Variants in DNM1L observed in about 807,000 individuals in gnomAD.
DNM1L encodes the protein dynamin 1L, also known as dynamin-1-like protein.
In DNM1L, 33 loss-of-function variants were observed where a neutral mutation model predicts 92.8. The observed-to-expected ratio is 0.36, with a 90% CI of 0.27 to 0.48. DNM1L has a LOEUF of 0.48. Ranked by LOEUF, DNM1L falls within the 20% of genes least tolerant of loss-of-function variation. DNM1L has a pLI of 0.99. For missense variants in DNM1L, 485 were observed against 888.8 expected (o/e 0.55, Z 5.78); for synonymous variants, 284 against 305.0 (o/e 0.93, Z 0.72).
At chr12:32,705,190 A>T (rs944581895) in intron 2 of DNM1L, among the ~76,000 whole-genome samples, 3 of 151,700 alleles carry the variant, frequency 2.0e-5, no homozygotes, top group African/African-American at 7.3e-5. Flanking sequence ...TTTAGTAGAG[A>T]CGGGGTTTTG....
At chr12:32,706,401 C>T (rs2137330861) in intron 2 of DNM1L, among the ~76,000 whole-genome samples, 1 of 152,292 alleles carries the variant, frequency 6.6e-6, no homozygotes, top group South Asian at 2.1e-4. Flanking sequence ...TTTTAACCTT[C>T]TCTAAATTTG....
intron 18 of DNM1L, among the ~76,000 whole-genome samples, chr12:32,741,284 C>T (rs1955268242): frequency 6.6e-6 from 1 of 152,294 alleles, no homozygotes; most frequent in African/African-American, 2.4e-5. Context: ...TTGCCCCCAT[C>T]CTCTGCAGAA....
chr12:32,707,446 G>T, intron 3 of DNM1L, 33 bp downstream of exon 3: 1 of 1,486,828 alleles, frequency 6.7e-7, no homozygotes, highest in African/African-American at 1.4e-5. Flanking sequence ...AAGAAATAAT[G>T]TTGAAAAAAA....
At chr12:32,715,800 A>G (rs919303310) in intron 6 of DNM1L, among the ~76,000 whole-genome samples, 2 of 152,218 alleles carry the variant, frequency 1.3e-5, no homozygotes, top group African/African-American at 4.8e-5. Context: ...GAGCAGTTGG[A>G]ACTCTCACAC....
At chr12:32,699,930 T>C (rs973102702) in intron 1 of DNM1L, among the ~76,000 whole-genome samples, 1 of 152,110 alleles carries the variant, frequency 6.6e-6, no homozygotes, top group Admixed American at 6.6e-5. Flanking sequence ...TATGAATGCT[T>C]AAAATCTGTA....
intron 13 of DNM1L, among the ~76,000 whole-genome samples, chr12:32,736,624 G>A (rs951191861): frequency 6.6e-6 from 1 of 152,190 alleles, no homozygotes; most frequent in Non-Finnish European, 1.5e-5. Flanking sequence ...ACTTCTTCAA[G>A]ATACGGTTTT....
chr12:32,724,591 AAAATATATATAT>A (rs1281529116), intron 9 of DNM1L, among the ~76,000 whole-genome samples: 131 of 68,886 alleles, frequency 1.9e-3, no homozygotes, highest in East Asian at 3.7e-3. Flanking sequence ...AAAAAAAAAA[AAAATATATATAT>A]ATATATATAT....
chr12:32,735,080 T>C (rs1286248577), intron 13 of DNM1L, among the ~76,000 whole-genome samples: 10 of 152,238 alleles, frequency 6.6e-5, no homozygotes, highest in African/African-American at 2.2e-4. Context: ...TTTTTTTACA[T>C]TGAAACTAAC....
At position 32,743,803 on chromosome 12, in the gene DNM1L, ACATTT is replaced by A. The variant is rs1353384016; in HGVS notation, c.*397_*401del. 2 of 234,480 alleles carry A rather than the reference ACATTT, an allele frequency of 8.5e-6. No individual in the cohort carries two copies. Among genetic ancestry groups the A allele is most frequent in the African/African-American group, 4.5e-5 (2 of 44,198 alleles). 14.5% of individuals were successfully genotyped at this position (234,480 alleles called of 1,614,324 possible). A position where few individuals can be genotyped will look rare whatever the true frequency, so the allele number is the denominator to read the frequency against. On this transcript the variant is annotated 3_prime_UTR_variant, in exon 20 of 20. Coordinates refer to ENST00000549701, the MANE Select transcript of DNM1L (RefSeq NM_012062.5). Reference sequence around the variant, plus strand: ...CCTCCAAGAAGAAAGCACCAAGACAACATTTCATATGACTATAATGCATGTACTAT... The same window carrying A: ...CCTCCAAGAAGAAAGCACCAAGACAACATATGACTATAATGCATGTACTAT...
intron 9 of DNM1L, chr12:32,727,662 T>C (rs1255801590): frequency 7.5e-6 from 2 of 265,602 alleles, no homozygotes; most frequent in Non-Finnish European, 1.4e-5. Flanking sequence ...ATGCTATACC[T>C]ATCTTGGAAT....
chr12:32,713,051 C>T (rs1953201698), intron 5 of DNM1L, among the ~76,000 whole-genome samples, 158 bp from the exon 6 acceptor site: 1 of 152,272 alleles, frequency 6.6e-6, no homozygotes, highest in Non-Finnish European at 1.5e-5. Context: ...TGACACATTA[C>T]CAGATTCATA....
Position 32,707,427 on chromosome 12 carries a change from C to G in DNM1L, c.297+14C>G, listed in dbSNP as rs759590231. ...ACCAAAAATAAGGTAATCACACATG[C>G]ATATAATGAAGAAATAATGTTGAAA... On this transcript the variant is annotated intron_variant, in intron 3 of 19. Coordinates refer to ENST00000549701, the MANE Select transcript of DNM1L (RefSeq NM_012062.5). 62 of 1,563,230 alleles carry G rather than the reference C, an allele frequency of 4.0e-5. 3 individuals are homozygous for G. The South Asian group carries it at 6.9e-4, about 17-fold the overall frequency.
Position 32,740,498 on chromosome 12 carries a change from CAG to C in DNM1L, c.1976_1977del (p.Arg659LysfsTer17). 3 of 1,613,194 alleles carry C rather than the reference CAG, an allele frequency of 1.9e-6. No homozygotes were observed. Among genetic ancestry groups the C allele is most frequent in the Non-Finnish European group, 2.5e-6 (3 of 1,179,434 alleles). The part of the protein sequence containing the change: ...RLIKSYFLIV[R>X]KNIQDSVPKA... ...TCATTAAATCATATTTTCTCATTGT[CAG>C]AAAGAATATTCAAGACAGGTTAGTA... On this transcript the variant is annotated frameshift_variant, in exon 18 of 20. Transcript: ENST00000549701. LOFTEE classifies it high-confidence loss of function.
At chr12:32,706,720 GA>G (rs1461453807) in intron 2 of DNM1L, 1 of 454,502 alleles carries the variant, frequency 2.2e-6, no homozygotes, top group Non-Finnish European at 4.4e-6. Context: ...GACCCTGGGG[GA>G]AAATCACCTT....
chr12:32,702,233 C>CAAAAAAAAAAAAAAA (rs1179046487), intron 2 of DNM1L, among the ~76,000 whole-genome samples: 1 of 81,344 alleles, frequency 1.2e-5, no homozygotes, highest in African/African-American at 4.2e-5. Context: ...GACTCCGTCT[C>CAAAAAAAAAAAAAAA]AAAAAAAAAA....
At chr12:32,743,124 T>TG (rs2137617455) in intron 19 of DNM1L, among the ~76,000 whole-genome samples, 1 of 151,204 alleles carries the variant, frequency 6.6e-6, no homozygotes, top group African/African-American at 2.5e-5. Context: ...CTCTAACTCC[T>TG]GACCTCATGA....
intron 9 of DNM1L, among the ~76,000 whole-genome samples, chr12:32,723,830 A>C (rs1953935595): frequency 6.6e-6 from 1 of 152,188 alleles, no homozygotes; most frequent in South Asian, 2.1e-4. Flanking sequence ...TTGAAAATAG[A>C]ACAAAGCTAT....
At chr12:32,705,747 C>T in intron 2 of DNM1L, 1 of 1,319,852 alleles carries the variant, frequency 7.6e-7, no homozygotes. Context: ...GGTTTCTGCA[C>T]ATTTGAATTT....
At chr12:32,698,429 C>T (rs1159581731) in intron 1 of DNM1L, among the ~76,000 whole-genome samples, 3 of 152,264 alleles carry the variant, frequency 2.0e-5, no homozygotes, top group South Asian at 2.1e-4. Context: ...TTTTAGGCTT[C>T]GGGGTGATGA....
Sources: gnomAD v4.1 joint callset for allele counts (sites outside exome capture counted in the v4.1 genomes callset) on GRCh38, gnomAD v4.1.1 for gene constraint, MANE v1.5 for transcripts, NCBI Gene and HGNC (gene_info 2026-07-23, HGNC 2026-07-21) for gene names.